CLVS1: variants seen among roughly 807,000 people sequenced by gnomAD.
The protein encoded by CLVS1 is clavesin-1.
A neutral mutation model predicts 33.1 loss-of-function variants in CLVS1; 10 were observed. That is an observed-to-expected ratio of 0.30 (90% CI 0.19 to 0.51). The LOEUF (loss-of-function observed/expected upper bound fraction) is 0.51, where lower values mean the gene tolerates loss of function less well. Among genes scored for constraint, CLVS1 ranks in the 20% least tolerant of loss-of-function variants. The pLI, the probability that CLVS1 is intolerant of heterozygous loss-of-function variation, is 0.97. For missense variants in CLVS1, 343 were observed against 433.4 expected, an observed-to-expected ratio of 0.79 and a Z score of 1.85; for synonymous variants, 163 against 166.1, an observed-to-expected ratio of 0.98 and a Z score of 0.14.
At chr8:61,357,500 T>TC (rs1812780466) in intron 2 of CLVS1, among the ~76,000 whole-genome samples, 1 of 98,304 alleles carries the variant, frequency 1.0e-5, no homozygotes, top group African/African-American at 4.3e-5. Context: ...TTTTCTTTTT[T>TC]TTTTTTTTTT....
rs1805102882 is a variant in CLVS1, at chr8:61,085,617, G to A, written c.-243+28387G>A. Reference sequence around the variant, plus strand: ...AATGAAATGCATGACCTGGCGGAGTGCGGTGGCTCATGCCTGTAATCCCAG... The same window carrying A: ...AATGAAATGCATGACCTGGCGGAGTACGGTGGCTCATGCCTGTAATCCCAG... On this transcript the variant is annotated intron_variant, in intron 1 of 2. Transcript: ENST00000522621. Among the ~76,000 whole-genome samples, 4 of 152,074 alleles carry A rather than the reference G, an allele frequency of 2.6e-5. No individual in the cohort carries two copies. In the South Asian group the frequency reaches 8.3e-4, roughly 32 times the overall value.
At chr8:61,445,481 A>G (rs1270020814) in intron 3 of CLVS1, among the ~76,000 whole-genome samples, 1 of 151,938 alleles carries the variant, frequency 6.6e-6, no homozygotes, top group African/African-American at 2.4e-5. Context: ...CTGCCATGTG[A>G]TCTCTACATA....
intron 2 of CLVS1, among the ~76,000 whole-genome samples, chr8:61,365,612 G>A (rs887226386): frequency 3.9e-5 from 6 of 152,248 alleles, no homozygotes; most frequent in East Asian, 3.9e-4. Flanking sequence ...CACTCATGTC[G>A]GGGAGATTTT....
chr8:61,444,423 C>A (rs930477513), intron 3 of CLVS1, among the ~76,000 whole-genome samples: 12 of 152,162 alleles, frequency 7.9e-5, no homozygotes, highest in Non-Finnish European at 1.2e-4. Flanking sequence ...TTTTTCTGAG[C>A]ATTTTTAACA....
At chr8:61,084,084 C>T (rs1805074843) in intron 1 of CLVS1, among the ~76,000 whole-genome samples, 1 of 152,158 alleles carries the variant, frequency 6.6e-6, no homozygotes, top group South Asian at 2.1e-4. Context: ...CCTTAGGCTA[C>T]TGAGAAGATA....
At chr8:61,267,949 C>T (rs187106974) in intron 2 of CLVS1, among the ~76,000 whole-genome samples, 4 of 151,980 alleles carry the variant, frequency 2.6e-5, no homozygotes, top group African/African-American at 7.2e-5. Context: ...ATTGATGGAT[C>T]GATCAGAGGA....
chr8:61,032,986 AAG>A, the CLVS1 span, among the ~76,000 whole-genome samples: 45 of 86,586 alleles, frequency 5.2e-4, no homozygotes, highest in African/African-American at 2.3e-3. Context: ...GGAAGGAAGG[AAG>A]GAAGGAAAGA....
chr8:61,435,518 T>C (rs1816298235), intron 3 of CLVS1, among the ~76,000 whole-genome samples: 1 of 150,952 alleles, frequency 6.6e-6, no homozygotes, highest in African/African-American at 2.5e-5. Context: ...AGGCAGTTAC[T>C]AGAGCATGAT....
At chr8:61,088,420 G>A (rs1162656299) in intron 1 of CLVS1, among the ~76,000 whole-genome samples, 1 of 149,928 alleles carries the variant, frequency 6.7e-6, no homozygotes, top group Non-Finnish European at 1.5e-5. Flanking sequence ...AACCTGGGAG[G>A]CGGAGGTTGA....
chr8:61,056,925 C>G (rs943424069), upstream of CLVS1, among the ~76,000 whole-genome samples: 1 of 152,154 alleles, frequency 6.6e-6, no homozygotes, highest in Non-Finnish European at 1.5e-5. Flanking sequence ...AAAGGTAAAG[C>G]GCCAGGGCCT....
chr8:61,360,970 C>T (rs978536184), intron 2 of CLVS1, among the ~76,000 whole-genome samples: 4 of 151,982 alleles, frequency 2.6e-5, no homozygotes, highest in Middle Eastern at 3.2e-3. Flanking sequence ...TGCTGCTTCT[C>T]CAGAGGCCTC....
At chr8:61,299,257 T>C (rs76889928) in intron 1 of CLVS1, among the ~76,000 whole-genome samples, 260 of 152,258 alleles carry the variant, frequency 1.7e-3, no homozygotes, top group African/African-American at 5.8e-3. Flanking sequence ...AAGAGGCCAA[T>C]GGGAAGCAAA....
intron 2 of CLVS1, among the ~76,000 whole-genome samples, chr8:61,237,716 G>A (rs7834956): frequency 0.22 from 32,991 of 152,054 alleles, 6,216 homozygotes; most frequent in East Asian, 0.68. Flanking sequence ...CTGGAGAGGT[G>A]TGAGGAGGGC....
intron 5 of CLVS1, among the ~76,000 whole-genome samples, chr8:61,479,912 G>A (rs1221319903): frequency 1.3e-5 from 2 of 152,208 alleles, no homozygotes; most frequent in Non-Finnish European, 2.9e-5. Context: ...TTGGTGAACC[G>A]CAAATGCTGC....
At chr8:61,218,490 A>C (rs112649439) in intron 2 of CLVS1, among the ~76,000 whole-genome samples, 7 of 152,118 alleles carry the variant, frequency 4.6e-5, no homozygotes, top group Non-Finnish European at 1.0e-4. Context: ...AGAATATACT[A>C]GAGGCTGGGA....
At chr8:61,466,916 T>G (rs555302578) in intron 5 of CLVS1, among the ~76,000 whole-genome samples, 73 of 152,322 alleles carry the variant, frequency 4.8e-4, no homozygotes, top group African/African-American at 1.7e-3. Flanking sequence ...CCTAAAGTGC[T>G]GGGATTATAG....
intron 3 of CLVS1, among the ~76,000 whole-genome samples, chr8:61,407,802 G>T (rs944909166): frequency 6.6e-6 from 1 of 152,176 alleles, no homozygotes; most frequent in African/African-American, 2.4e-5. Context: ...TATTAAGTGT[G>T]GTAGAAAAGG....
chr8:61,033,039 AAGAAAGAAAAAG>A, the CLVS1 span, among the ~76,000 whole-genome samples: 3 of 112,524 alleles, frequency 2.7e-5, no homozygotes, highest in African/African-American at 9.8e-5. Flanking sequence ...GAAAGAAAGA[AAGAAAGAAAAAG>A]AAAGAAAGAT....
chr8:61,193,209 T>C (rs893753913), intron 2 of CLVS1, among the ~76,000 whole-genome samples: 5 of 152,196 alleles, frequency 3.3e-5, no homozygotes, highest in African/African-American at 1.2e-4. Flanking sequence ...GGTGAGCTCA[T>C]GTCCTTTGTA....
Sources: gnomAD v4.1 joint callset for allele counts (sites outside exome capture counted in the v4.1 genomes callset) on GRCh38, gnomAD v4.1.1 for gene constraint, MANE v1.5 for transcripts, NCBI Gene and HGNC (gene_info 2026-07-23, HGNC 2026-07-21) for gene names.